ZBTB48: variants seen among roughly 807,000 people sequenced by gnomAD.
ZBTB48 encodes zinc finger and BTB domain containing 48, also known as zinc finger and BTB domain-containing protein 48.
In ZBTB48, 35 loss-of-function variants were observed where a neutral mutation model predicts 64.5. That is an observed-to-expected ratio of 0.54 (90% CI 0.41 to 0.72). ZBTB48 has a LOEUF of 0.72. Ranked by LOEUF, ZBTB48 falls within the 30% of genes least tolerant of loss-of-function variation. The pLI is 0.00. For missense variants in ZBTB48, 828 were observed against 895.3 expected (o/e 0.92, Z 0.96); for synonymous variants, 442 against 356.7 (o/e 1.24, Z -2.70).
Position 6,581,273 on chromosome 1 carries a change from G to T in ZBTB48, c.664G>T (p.Ala222Ser). ...VPPRPLEAEG[A>S]QLQGGSNEWE... The stretch of plus-strand genomic sequence containing the variant: ...CCCAAGGCCCTTAGAGGCTGAAGGT[G>T]CCCAGCTGCAGGGCGGCAGTAATGA... Residue 222 changes from alanine to serine, a missense_variant, in exon 2 of 11, where the codon GCC becomes TCC. Ala to Ser is a moderately conservative substitution (Grantham distance 99, BLOSUM62 1). Coordinates refer to ENST00000377674, the MANE Select transcript of ZBTB48 (RefSeq NM_005341.4). 6.2e-7 allele frequency: 1 copy of T among 1,606,782 alleles called. No individual in the cohort carries two copies. Among genetic ancestry groups the T allele is most frequent in the Non-Finnish European group, 8.5e-7 (1 of 1,176,946 alleles).
At position 6,586,756 on chromosome 1, in the gene ZBTB48, T is replaced by C; in HGVS notation, c.1106T>C (p.Met369Thr). The C allele has an allele frequency of 6.2e-7, 1 of 1,600,644 alleles. No homozygotes were observed. Among genetic ancestry groups the C allele is most frequent in the South Asian group, 1.1e-5 (1 of 89,992 alleles). Residue 369 changes from methionine (M) to threonine (T), a missense_variant, in exon 5 of 11, where the codon ATG becomes ACG. Met to Thr is a moderately conservative substitution (Grantham distance 81). Coordinates refer to ENST00000377674, the MANE Select transcript of ZBTB48 (RefSeq NM_005341.4). ...FRRRMELRVH[M>T]VSHTGEMPYK... is the part of the protein sequence containing the mutation. ...CGAAGGATGGAGCTGCGGGTGCACATGGTGTCTCACACAGGGGAGATGCCC... is the reference window on the plus strand; with the variant it reads ...CGAAGGATGGAGCTGCGGGTGCACACGGTGTCTCACACAGGGGAGATGCCC...
In ZBTB48 at chr1:6,589,168, T is replaced by A. The variant is rs2229330; in HGVS notation, c.2023T>A (p.Ser675Thr). ...SFTGPGVLEP[S>T]LIITAAVPED... Reference sequence around the variant, plus strand: ...CACCGGCCCAGGTGTCCTGGAGCCCTCCCTCATCATCACAGCTGCTGTCCC... The same window carrying A: ...CACCGGCCCAGGTGTCCTGGAGCCCACCCTCATCATCACAGCTGCTGTCCC... Residue 675 changes from serine to threonine, a missense_variant, in exon 11 of 11, where the codon TCC becomes ACC. Physicochemically the swap from Ser to Thr is moderately conservative, Grantham distance 58. Coordinates refer to ENST00000377674, the MANE Select transcript of ZBTB48 (RefSeq NM_005341.4). 3 of 1,547,526 alleles carry A rather than the reference T, an allele frequency of 1.9e-6. No individual in the cohort carries two copies.
chr1:6,588,483 G>A (rs145303856), intron 9 of ZBTB48, 41 bp downstream of exon 9: 149 of 1,471,008 alleles, frequency 1.0e-4, no homozygotes, highest in Non-Finnish European at 1.3e-4. Context: ...CTGCTCATCC[G>A]AGTTGGAGGG....
At chr1:6,583,431 G>C (rs2148687625) in intron 3 of ZBTB48, among the ~76,000 whole-genome samples, 1 of 152,144 alleles carries the variant, frequency 6.6e-6, no homozygotes, top group South Asian at 2.1e-4. Context: ...CTCCCGAGTA[G>C]CTGGGATTAC....
In ZBTB48 at chr1:6,589,172, T is replaced by G. The variant is rs975779303; in HGVS notation, c.2027T>G (p.Leu676Arg). ...FTGPGVLEPS[L>R]IITAAVPEDC... ...GGCCCAGGTGTCCTGGAGCCCTCCCTCATCATCACAGCTGCTGTCCCCGAG... is the reference window on the plus strand; with the variant it reads ...GGCCCAGGTGTCCTGGAGCCCTCCCGCATCATCACAGCTGCTGTCCCCGAG... The change falls in exon 11 of 11, where the codon CTC (leucine) becomes CGC (arginine). Residue 676 changes from leucine (L) to arginine (R), a missense_variant. Transcript: ENST00000377674. The G allele has an allele frequency of 1.3e-6, 2 of 1,544,808 alleles. No homozygotes were observed. The highest frequency in any genetic ancestry group is 8.7e-7 in the Non-Finnish European group (1 of 1,149,452).
intron 4 of ZBTB48, chr1:6,586,351 C>G: frequency 2.0e-6 from 1 of 494,112 alleles, no homozygotes; most frequent in Non-Finnish European, 3.6e-6. Flanking sequence ...CCCCTGGCCA[C>G]CCCCAGCAAC....
Position 6,582,231 on chromosome 1 carries a change from G to A in ZBTB48, c.864G>A (p.Ala288=), listed in dbSNP as rs1189841830. 4 of 1,614,140 alleles carry A rather than the reference G, an allele frequency of 2.5e-6. No individual in the cohort carries two copies. Among genetic ancestry groups the A allele is most frequent in the East Asian group, 2.2e-5 (1 of 44,894 alleles). The change falls in exon 3 of 11, where the codon GCG becomes GCA. Residue 288 remains alanine, a synonymous_variant. Transcript: ENST00000377674. ...AEPAENRKGT[A]VPVECPTCHK... is the part of the protein sequence containing the mutation. The stretch of plus-strand genomic sequence containing the variant: ...CTGCTGAGAACAGAAAAGGTACAGC[G>A]GTGCCGGTCGAATGCCCCACATGTC...
At chr1:6,587,670 C>G (rs770854442) in intron 7 of ZBTB48, 38 bp downstream of exon 7, 1 of 1,608,280 alleles carries the variant, frequency 6.2e-7, no homozygotes, top group South Asian at 1.1e-5. Context: ...CCCAGTCCTG[C>G]TGCCAGCCCA....
At position 6,586,565 on chromosome 1, in the gene ZBTB48, C is replaced by G. The variant is rs1040540583; in HGVS notation, c.1045-130C>G. On this transcript the variant is annotated intron_variant, in intron 4 of 10. Transcript: ENST00000377674. Reference sequence around the variant, plus strand: ...GGCCAGGCAGGTTATGTGTTGCCCTCTCCCACCCTAGCGTCCCCACCCTCC... The same window carrying G: ...GGCCAGGCAGGTTATGTGTTGCCCTGTCCCACCCTAGCGTCCCCACCCTCC... The G allele has an allele frequency of 2.1e-6, 3 of 1,422,056 alleles. No homozygotes were observed. In the African/African-American group the frequency reaches 4.3e-5, roughly 21 times the overall value. 88.1% of individuals were successfully genotyped at this position (1,422,056 alleles called of 1,614,324 possible).
chr1:6,586,830 A>G, intron 5 of ZBTB48, 43 bp downstream of exon 5: 2 of 1,586,366 alleles, frequency 1.3e-6, no homozygotes, highest in Non-Finnish European at 1.7e-6. Flanking sequence ...GGGTGGCCCC[A>G]GGATCCTTCC....
rs555818517 is a variant in ZBTB48 at position 6,584,831 on chromosome 1, A to C, written c.933-1088A>C. On this transcript the variant is annotated intron_variant, in intron 3 of 10. Transcript: ENST00000377674. The surrounding 1 kb of genome is among the most constrained non-coding windows in gnomAD (Gnocchi z 4.5). ...GATGAGAGAGCTGCTTGGCCTCTGG[A>C]AGGTGGGAGGAGCTGTCGCAGGCTG... 1.3e-5 allele frequency among the ~76,000 whole-genome samples: 2 copies of C among 152,088 alleles called. No individual in the cohort carries two copies. Among genetic ancestry groups the C allele is most frequent in the Admixed American group, 6.6e-5 (1 of 15,260 alleles).
At position 6,586,016 on chromosome 1, in the gene ZBTB48, A is replaced by G; in HGVS notation, c.1030A>G (p.Asn344Asp). The change falls in exon 4 of 11, where the codon AAC (asparagine) becomes GAC (aspartate). Residue 344 changes from asparagine to aspartate, a missense_variant. Physicochemically the swap from Asn to Asp is conservative, Grantham distance 23. Coordinates refer to ENST00000377674, the MANE Select transcript of ZBTB48 (RefSeq NM_005341.4). ...LLEHEARNCM[N>D]RSEQVFTCSV... ...GGAGCATGAAGCCCGGAATTGCATGAACCGCTCGGAACAGGTACTTGGGAG... is the reference window on the plus strand; with the variant it reads ...GGAGCATGAAGCCCGGAATTGCATGGACCGCTCGGAACAGGTACTTGGGAG... 3 of 1,614,128 alleles carry G rather than the reference A, an allele frequency of 1.9e-6. No individual in the cohort carries two copies. The highest frequency in any genetic ancestry group is 2.5e-6 in the Non-Finnish European group (3 of 1,179,976).
chr1:6,585,512 G>A (rs1640626753), intron 3 of ZBTB48: 1 of 201,948 alleles, frequency 5.0e-6, no homozygotes, highest in Admixed American at 5.1e-5. Flanking sequence ...CAGCTCCCCT[G>A]GCTACCTGGG....
At chr1:6,583,591 G>A (rs927074134) in intron 3 of ZBTB48, among the ~76,000 whole-genome samples, 12 of 149,452 alleles carry the variant, frequency 8.0e-5, no homozygotes, top group Admixed American at 2.7e-4. Flanking sequence ...GAGCCACTGC[G>A]CCCAGCCTGT....
intron 3 of ZBTB48, 144 bp from the exon 4 acceptor site, chr1:6,585,775 C>A: frequency 1.4e-6 from 1 of 710,790 alleles, no homozygotes. Flanking sequence ...CTGGGGGAGG[C>A]TTCTGGGCTT....
chr1:6,585,343 C>T (rs1429241347), intron 3 of ZBTB48: 1 of 154,260 alleles, frequency 6.5e-6, no homozygotes, highest in Non-Finnish European at 1.4e-5. Context: ...AAGGGGAGGG[C>T]TGCCTGCGCC....
chr1:6,580,928 G>A lies in ZBTB48; in HGVS notation c.319G>A (p.Ala107Thr), dbSNP rs768556281. 1.2e-6 allele frequency: 2 copies of A among 1,614,068 alleles called. No homozygotes were observed. ...LAARELRVPE[A>T]VELCQSFKPK... ...AGCCAGGGAGTTGCGAGTGCCAGAG[G>A]CCGTAGAGCTGTGCCAGAGCTTCAA... Residue 107 changes from alanine to threonine, a missense_variant, in exon 2 of 11, where the codon GCC (alanine) becomes ACC (threonine). Ala to Thr is a moderately conservative substitution (Grantham distance 58). Transcript: ENST00000377674. This position sits in a 1 kb window ranked among gnomAD's most constrained non-coding sequence, Gnocchi z 5.2.
chr1:6,582,451 G>A (rs554942457), intron 3 of ZBTB48, 152 bp downstream of exon 3: 1 of 1,062,400 alleles, frequency 9.4e-7, no homozygotes, highest in East Asian at 2.4e-5. Flanking sequence ...CTGATAATCA[G>A]GAAGTGAGAG....
In ZBTB48 at chr1:6,588,975, G is replaced by T. The variant is rs137878570; in HGVS notation, c.1830G>T (p.Gln610His). The T allele has an allele frequency of 1.9e-6, 3 of 1,601,936 alleles. No individual in the cohort carries two copies. Among genetic ancestry groups the T allele is most frequent in the Non-Finnish European group, 2.6e-6 (3 of 1,172,854 alleles). Residue 610 changes from glutamine (Q) to histidine (H), a missense_variant, in exon 11 of 11, where the codon CAG (glutamine) becomes CAT (histidine). Coordinates refer to ENST00000377674, the MANE Select transcript of ZBTB48 (RefSeq NM_005341.4). ...GGGTAGAGAACTACAACCCGCGGCA[G>T]CGCAAGCTCCGCAACCTGATCATCG... ...HDRVENYNPR[Q>H]RKLRNLIIED...
Sources: allele counts gnomAD v4.1 joint callset (sites outside exome capture counted in the v4.1 genomes callset), GRCh38; gene constraint gnomAD v4.1.1; non-coding constraint Gnocchi (gnomAD v3.1); transcripts MANE v1.5; gene names NCBI Gene and HGNC (gene_info 2026-07-23, HGNC 2026-07-21).